The following NAALADL2 variants were observed in gnomAD, a reference collection of about 807,000 sequenced individuals.
NAALADL2 encodes the protein N-acetylated alpha-linked acidic dipeptidase like 2.
NAALADL2 carries 76 observed loss-of-function variants against 87.2 expected under a neutral mutation model. That is an observed-to-expected ratio of 0.87 (90% CI 0.72 to 1.05). The LOEUF (loss-of-function observed/expected upper bound fraction) is 1.05, where lower values mean the gene tolerates loss of function less well. Among genes scored for constraint, NAALADL2 ranks in the 50% least tolerant of loss-of-function variants. NAALADL2 has a pLI of 0.00. For synonymous variants in NAALADL2, 354 were observed against 331.0 expected (o/e 1.07, Z -0.75); for missense variants, 1,089 against 945.8 (o/e 1.15, Z -1.99).
chr3:175,201,458 A>G (rs1389380313), intron 2 of NAALADL2, among the ~76,000 whole-genome samples: 1 of 152,212 alleles, frequency 6.6e-6, no homozygotes, highest in East Asian at 1.9e-4. Flanking sequence ...TTTTTATTCT[A>G]TGAGTATAAT....
At chr3:175,571,173 A>G (rs1215063214) in intron 9 of NAALADL2, among the ~76,000 whole-genome samples, 2 of 152,204 alleles carry the variant, frequency 1.3e-5, no homozygotes, top group Non-Finnish European at 2.9e-5. Context: ...ATCATTTACT[A>G]TAAAGTTTTG....
chr3:174,717,215 C>T (rs1300725137), intron 2 of NAALADL2, among the ~76,000 whole-genome samples: 1 of 152,126 alleles, frequency 6.6e-6, no homozygotes, highest in African/African-American at 2.4e-5. Flanking sequence ...AAAGCATCAT[C>T]TACCTCTCTC....
chr3:174,836,144 A>G (rs536094329), intron 3 of NAALADL2, among the ~76,000 whole-genome samples: 15 of 152,232 alleles, frequency 9.9e-5, no homozygotes, highest in African/African-American at 1.7e-4. Context: ...GTGGAATACC[A>G]TTCAGTCTTA....
intron 2 of NAALADL2, among the ~76,000 whole-genome samples, chr3:175,167,291 A>G (rs995003786): frequency 3.9e-5 from 6 of 152,102 alleles, no homozygotes; most frequent in African/African-American, 1.4e-4. Context: ...AACTCCTGCC[A>G]TGCTACAGCT....
At chr3:174,910,898 T>A (rs960420557) in intron 1 of NAALADL2, among the ~76,000 whole-genome samples, 1 of 151,834 alleles carries the variant, frequency 6.6e-6, no homozygotes, top group African/African-American at 2.4e-5. Flanking sequence ...ACAGAAGAGG[T>A]AGGGGCTGTG....
intron 1 of NAALADL2, among the ~76,000 whole-genome samples, chr3:174,917,357 C>CA (rs552977940): frequency 6.4e-4 from 98 of 152,078 alleles, no homozygotes; most frequent in African/African-American, 2.2e-3. Context: ...CATTTTATGG[C>CA]AAAAATGTAC....
chr3:175,077,242 G>C (rs1414237230), intron 1 of NAALADL2, among the ~76,000 whole-genome samples: 1 of 152,102 alleles, frequency 6.6e-6, no homozygotes, highest in Non-Finnish European at 1.5e-5. Flanking sequence ...AATATTTCAA[G>C]CTTTAAATGT....
chr3:175,311,393 A>G (rs1020452647), intron 4 of NAALADL2, among the ~76,000 whole-genome samples: 4 of 152,184 alleles, frequency 2.6e-5, no homozygotes, highest in African/African-American at 9.7e-5. Flanking sequence ...AAAATACCTT[A>G]TGAAGACACA....
intron 10 of NAALADL2, among the ~76,000 whole-genome samples, chr3:175,577,934 A>G (rs1560788912): frequency 6.6e-6 from 1 of 152,172 alleles, no homozygotes; most frequent in East Asian, 1.9e-4. Context: ...TGTAAAAAAT[A>G]TTTATCCTAT....
intron 3 of NAALADL2, among the ~76,000 whole-genome samples, chr3:174,751,708 A>G (rs1485143281): frequency 4.0e-5 from 6 of 151,812 alleles, no homozygotes; most frequent in Admixed American, 3.3e-4. Context: ...AGTATTGGAA[A>G]TTCATTAATT....
At chr3:175,088,008 C>A (rs533680167) in intron 1 of NAALADL2, among the ~76,000 whole-genome samples, 1 of 151,484 alleles carries the variant, frequency 6.6e-6, no homozygotes, top group Admixed American at 6.6e-5. Flanking sequence ...TCTTGGTTTT[C>A]TTTCCATTAC....
intron 1 of NAALADL2, among the ~76,000 whole-genome samples, chr3:175,036,708 C>T (rs1394375242): frequency 1.3e-5 from 2 of 151,798 alleles, no homozygotes; most frequent in Non-Finnish European, 2.9e-5. Flanking sequence ...CCATAGGACA[C>T]ACTTTTTTAA....
intron 2 of NAALADL2, among the ~76,000 whole-genome samples, chr3:174,594,111 C>T (rs796365800): frequency 6.6e-6 from 1 of 151,858 alleles, no homozygotes; most frequent in Non-Finnish European, 1.5e-5. Flanking sequence ...TAGTCAGCTG[C>T]GGTTACTTAA....
intron 11 of NAALADL2, among the ~76,000 whole-genome samples, chr3:175,731,024 C>T (rs1276022113): frequency 1.3e-5 from 2 of 152,150 alleles, no homozygotes; most frequent in East Asian, 1.9e-4. Flanking sequence ...TTTTCTTCAC[C>T]AGGAAACACA....
intron 3 of NAALADL2, among the ~76,000 whole-genome samples, chr3:175,236,192 A>T (rs1467740245): frequency 2.0e-5 from 3 of 152,082 alleles, no homozygotes; most frequent in African/African-American, 7.2e-5. Flanking sequence ...AACATGGGAG[A>T]TGAACCCTTC....
intron 13 of NAALADL2, among the ~76,000 whole-genome samples, chr3:175,771,465 A>T (rs940681113): frequency 6.6e-6 from 1 of 152,172 alleles, no homozygotes; most frequent in East Asian, 1.9e-4. Flanking sequence ...GAGGCTTAAA[A>T]CAACAGAAAT....
chr3:174,727,251 A>G (rs1459182864), intron 2 of NAALADL2, among the ~76,000 whole-genome samples: 3 of 57,526 alleles, frequency 5.2e-5, no homozygotes, highest in East Asian at 6.2e-4. Flanking sequence ...CATATGAAGT[A>G]ATGGAAGCCT....
intron 10 of NAALADL2, among the ~76,000 whole-genome samples, chr3:175,596,372 A>G (rs1308626350): frequency 1.3e-5 from 2 of 151,964 alleles, no homozygotes; most frequent in East Asian, 3.9e-4. Flanking sequence ...AAGCTAAATT[A>G]TACTATTTTA....
intron 2 of NAALADL2, among the ~76,000 whole-genome samples, chr3:174,637,168 G>T (rs1224145035): frequency 6.6e-6 from 1 of 152,080 alleles, no homozygotes; most frequent in Non-Finnish European, 1.5e-5. Context: ...AGACAGGGAA[G>T]GGTGTATTGT....
Sources: gnomAD v4.1 joint callset for allele counts (sites outside exome capture counted in the v4.1 genomes callset) on GRCh38, gnomAD v4.1.1 for gene constraint, MANE v1.5 for transcripts, NCBI Gene and HGNC (gene_info 2026-07-23, HGNC 2026-07-21) for gene names.